Variants in MEF2A observed in about 807,000 individuals in gnomAD.
The protein encoded by MEF2A is myocyte enhancer factor 2A.
In MEF2A, 28 loss-of-function variants were observed where a neutral mutation model predicts 55.8. That is an observed-to-expected ratio of 0.50 (90% confidence interval 0.37 to 0.69). The LOEUF (loss-of-function observed/expected upper bound fraction) is 0.69. Ranked by LOEUF, MEF2A falls within the 30% of genes least tolerant of loss-of-function variation. The probability of loss-of-function intolerance (pLI) is 0.00; values close to 1 mark genes in which losing one functional copy is unlikely to be tolerated. For synonymous variants in MEF2A, 239 were observed against 227.1 expected (o/e 1.05, Z -0.47); for missense variants, 528 against 626.2 (o/e 0.84, Z 1.67).
chr15:99,683,961 T>C (rs1405428191), intron 7 of MEF2A, among the ~76,000 whole-genome samples: 2 of 152,184 alleles, frequency 1.3e-5, no homozygotes, highest in African/African-American at 2.4e-5. Context: ...ATGTGATGTT[T>C]GGTTTTCCAT....
chr15:99,620,970 G>C (rs993194785), intron 2 of MEF2A: 1 of 150,846 alleles, frequency 6.6e-6, no homozygotes, highest in Admixed American at 6.6e-5. Flanking sequence ...TCAGCCTCCC[G>C]AGTAGCTGGG....
intron 3 of MEF2A, among the ~76,000 whole-genome samples, chr15:99,634,773 C>A (rs766801025): frequency 6.6e-6 from 1 of 152,142 alleles, no homozygotes; most frequent in East Asian, 1.9e-4. Flanking sequence ...GCTGTTCTTA[C>A]GTTGGACTTA....
At chr15:99,586,849 G>T (rs1164262091) in intron 1 of MEF2A, among the ~76,000 whole-genome samples, 1 of 152,130 alleles carries the variant, frequency 6.6e-6, no homozygotes, top group Non-Finnish European at 1.5e-5. Flanking sequence ...ATGTTATGAG[G>T]TAATGTCAAG....
intron 3 of MEF2A, among the ~76,000 whole-genome samples, chr15:99,639,307 T>C (rs1050464751): frequency 3.3e-5 from 5 of 152,176 alleles, no homozygotes; most frequent in Non-Finnish European, 7.4e-5. Flanking sequence ...GTTTTCTTTA[T>C]ATTTTTTAAC....
intron 2 of MEF2A, among the ~76,000 whole-genome samples, chr15:99,632,007 GC>G (rs2043024943): frequency 6.6e-6 from 1 of 152,108 alleles, no homozygotes; most frequent in South Asian, 2.1e-4. Context: ...TAGCATTCAT[GC>G]CCCCATCTCC....
intron 9 of MEF2A, 51 bp from the exon 10 acceptor site, chr15:99,706,678 G>A (rs1398998485): frequency 6.3e-7 from 1 of 1,589,694 alleles, no homozygotes; most frequent in Non-Finnish European, 8.6e-7. Flanking sequence ...TGATTTTTAA[G>A]TCAACATAAA....
chr15:99,657,538 G>C (rs573781499), intron 4 of MEF2A: 1 of 151,950 alleles, frequency 6.6e-6, no homozygotes, highest in South Asian at 2.1e-4. Context: ...TTTAAGAGAA[G>C]GTAAGAACAT....
chr15:99,706,344 C>G (rs1304224896), intron 9 of MEF2A, among the ~76,000 whole-genome samples: 1 of 152,320 alleles, frequency 6.6e-6, no homozygotes, highest in East Asian at 1.9e-4. Flanking sequence ...CGTACAATCC[C>G]TATATATACA....
intron 7 of MEF2A, among the ~76,000 whole-genome samples, chr15:99,686,854 T>C (rs2153700205): frequency 6.6e-6 from 1 of 152,294 alleles, no homozygotes; most frequent in South Asian, 2.1e-4. Flanking sequence ...ACACCACTTA[T>C]TCTTAGGTTT....
intron 2 of MEF2A, among the ~76,000 whole-genome samples, chr15:99,602,675 T>G (rs1006796341): frequency 8.8e-6 from 1 of 113,652 alleles, no homozygotes; most frequent in Non-Finnish European, 1.9e-5. Context: ...TGTGTGTGTG[T>G]GTGTGTGTGT....
chr15:99,596,138 C>T (rs1971096816), intron 1 of MEF2A, among the ~76,000 whole-genome samples: 2 of 152,058 alleles, frequency 1.3e-5, no homozygotes, highest in Admixed American at 1.3e-4. Flanking sequence ...GTACAACATA[C>T]ATCATCAGTA....
intron 7 of MEF2A, among the ~76,000 whole-genome samples, chr15:99,683,080 G>C (rs940752407): frequency 3.3e-5 from 5 of 152,160 alleles, no homozygotes; most frequent in African/African-American, 1.2e-4. Flanking sequence ...GGTTACCTCT[G>C]TCCAAGTCAT....
At chr15:99,696,156 A>G (rs1567471740) in intron 8 of MEF2A, among the ~76,000 whole-genome samples, 1 of 152,214 alleles carries the variant, frequency 6.6e-6, no homozygotes, top group Non-Finnish European at 1.5e-5. Context: ...AAAATCCACA[A>G]TTGTAGTTGG....
chr15:99,583,320 C>A (rs1251363375), intron 1 of MEF2A, among the ~76,000 whole-genome samples: 1 of 152,104 alleles, frequency 6.6e-6, no homozygotes, highest in African/African-American at 2.4e-5. Flanking sequence ...TGGTGAATAT[C>A]ATGAATAGAG....
intron 2 of MEF2A, among the ~76,000 whole-genome samples, chr15:99,610,677 AT>A (rs888605250): frequency 5.3e-5 from 8 of 151,904 alleles, no homozygotes; most frequent in African/African-American, 1.9e-4. Context: ...TTTAATTATT[AT>A]TTTTTTTCAC....
chr15:99,686,920 A>ATTT (rs61006528), intron 7 of MEF2A, among the ~76,000 whole-genome samples: 1 of 147,978 alleles, frequency 6.8e-6, no homozygotes, highest in Non-Finnish European at 1.5e-5. Context: ...TTGTTTTTTG[A>ATTT]TTTTTTTTTT....
intron 7 of MEF2A, among the ~76,000 whole-genome samples, chr15:99,686,687 T>G (rs560622507): frequency 2.0e-5 from 3 of 152,248 alleles, no homozygotes; most frequent in Non-Finnish European, 4.4e-5. Flanking sequence ...ATCTGATTAC[T>G]GTGTGCCTGG....
chr15:99,598,229 G>A (rs754970511), intron 1 of MEF2A, among the ~76,000 whole-genome samples: 4 of 152,160 alleles, frequency 2.6e-5, no homozygotes, highest in Non-Finnish European at 4.4e-5. Context: ...AAAAGGATTC[G>A]TAATAGTAGA....
At chr15:99,626,452 T>A (rs2042068376) in intron 2 of MEF2A, among the ~76,000 whole-genome samples, 1 of 152,178 alleles carries the variant, frequency 6.6e-6, no homozygotes, top group African/African-American at 2.4e-5. Flanking sequence ...CCGTTGTTTT[T>A]CTGTTATCTA....
Sources: gnomAD v4.1 joint callset for allele counts (sites outside exome capture counted in the v4.1 genomes callset) on GRCh38, gnomAD v4.1.1 for gene constraint, MANE v1.5 for transcripts, NCBI Gene and HGNC (gene_info 2026-07-23, HGNC 2026-07-21) for gene names.